The following ZC3H12B variants were observed in gnomAD, a reference collection of about 807,000 sequenced individuals.
ZC3H12B encodes probable ribonuclease ZC3H12B.
In ZC3H12B, 7 loss-of-function variants were observed where a neutral mutation model predicts 43.9. The observed-to-expected ratio is 0.16, with a 90% CI of 0.09 to 0.30. ZC3H12B has a LOEUF of 0.30. Among genes scored for constraint, ZC3H12B ranks in the 10% least tolerant of loss-of-function variants. The pLI, the probability that ZC3H12B is intolerant of heterozygous loss-of-function variation, is 1.00. For synonymous variants in ZC3H12B, 222 were observed against 241.7 expected (o/e 0.92, Z 0.76); for missense variants, 475 against 670.2 (o/e 0.71, Z 3.22).
At position 65,386,717 on chromosome X, in the gene ZC3H12B, A is replaced by C. The variant is rs148968276; in HGVS notation, n.296-11876A>C. Among the ~76,000 whole-genome samples, 839 of 110,929 alleles carry C rather than the reference A, an allele frequency of 7.6e-3. 17 individuals carry two copies. The highest frequency in any genetic ancestry group is 0.026 in the African/African-American group (799 of 30,461). Reference sequence around the variant, plus strand: ...TGAACGTGTTTGCTCTTGCTTCTCTAGTTCTTTTAATTGTGATATTAGGGT... The same window carrying C: ...TGAACGTGTTTGCTCTTGCTTCTCTCGTTCTTTTAATTGTGATATTAGGGT... On this transcript the variant is annotated intron_variant and non_coding_transcript_variant, in intron 2 of 5. Coordinates refer to the ZC3H12B transcript ENST00000617377.
At chrX:65,320,660 A>G in the ZC3H12B span, among the ~76,000 whole-genome samples, 3 of 112,509 alleles carry the variant, frequency 2.7e-5, no homozygotes, top group East Asian at 8.3e-4. Context: ...CTACAGCATT[A>G]CAATAACCTA....
At position 65,379,368 on chromosome X, in the gene ZC3H12B, G is replaced by T. The variant is rs776570217; in HGVS notation, n.295+10370G>T. On this transcript the variant is annotated intron_variant and non_coding_transcript_variant, in intron 2 of 5. Coordinates refer to the ZC3H12B transcript ENST00000617377. The stretch of plus-strand genomic sequence containing the variant: ...GCAGACGGACACCTCACACGGCCGG[G>T]TACTCCAACAGACCTGCAGCTGAGG... Among the ~76,000 whole-genome samples the T allele has an allele frequency of 3.1e-3, 345 of 109,528 alleles. 2 individuals are homozygous for T. The highest frequency in any genetic ancestry group is 0.011 in the African/African-American group (329 of 30,415).
At chrX:65,377,389 A>G (rs1047205019) in intron 2 of ZC3H12B, among the ~76,000 whole-genome samples, 2 of 110,060 alleles carry the variant, frequency 1.8e-5, no homozygotes, top group African/African-American at 3.3e-5. Context: ...AAACCTGGGG[A>G]AAAAAATCGA....
chrX:65,218,020 TAATC>T, the ZC3H12B span, among the ~76,000 whole-genome samples: 4 of 112,023 alleles, frequency 3.6e-5, no homozygotes, highest in Admixed American at 2.8e-4. Context: ...TTCAATGTAA[TAATC>T]AAGCTCTCAA....
At chrX:65,119,356 A>C in the ZC3H12B span, among the ~76,000 whole-genome samples, 1 of 111,669 alleles carries the variant, frequency 9.0e-6, no homozygotes, top group African/African-American at 3.3e-5. Context: ...CTGTTGTGAG[A>C]TGGTATCTCA....
the ZC3H12B span, among the ~76,000 whole-genome samples, chrX:65,327,169 C>A: frequency 1.4e-4 from 16 of 111,149 alleles, no homozygotes; most frequent in African/African-American, 5.2e-4. Flanking sequence ...GATGTCATTG[C>A]AGCACTGTTC....
the ZC3H12B span, among the ~76,000 whole-genome samples, chrX:65,270,131 A>G: frequency 7.2e-5 from 8 of 111,799 alleles, no homozygotes; most frequent in Non-Finnish European, 1.5e-4. Context: ...ATTTAAAATT[A>G]TATTGCAAAA....
the ZC3H12B span, among the ~76,000 whole-genome samples, chrX:65,232,377 G>T: frequency 9.0e-6 from 1 of 111,450 alleles, no homozygotes; most frequent in Non-Finnish European, 1.9e-5. Flanking sequence ...CCCTCCGTTC[G>T]GGGTCCCTGA....
intron 2 of ZC3H12B, among the ~76,000 whole-genome samples, chrX:65,397,569 A>G (rs765492598): frequency 9.0e-6 from 1 of 111,532 alleles, no homozygotes; most frequent in East Asian, 2.8e-4. Context: ...GATCCATTGA[A>G]TTCAACATCA....
chrX:65,426,364 G>A (rs75215546), intron 3 of ZC3H12B, among the ~76,000 whole-genome samples: 10 of 84,528 alleles, frequency 1.2e-4, no homozygotes, highest in East Asian at 3.9e-4. Flanking sequence ...ATTCTGGTTA[G>A]CAGTCTATCT....
chrX:65,107,922 G>T, the ZC3H12B span, among the ~76,000 whole-genome samples: 2 of 111,650 alleles, frequency 1.8e-5, no homozygotes, highest in Non-Finnish European at 3.8e-5. Context: ...ATATGGTATA[G>T]CCTCGTGCTC....
At chrX:65,172,273 T>A in the ZC3H12B span, among the ~76,000 whole-genome samples, 2 of 112,718 alleles carry the variant, frequency 1.8e-5, no homozygotes, top group East Asian at 2.8e-4. Flanking sequence ...GCCTACTTTT[T>A]GATGGAGTTG....
chrX:65,453,328 C>G lies in ZC3H12B; in HGVS notation n.408-35318C>G, dbSNP rs191025615. On this transcript the variant is annotated intron_variant and non_coding_transcript_variant, in intron 3 of 5. Coordinates refer to the ZC3H12B transcript ENST00000617377. ...TTATAGGCGCACAATTCTCAATTCT[C>G]AATTGCAATAATATGGAACCAGCTC... Among the ~76,000 whole-genome samples, 3 of 87,207 alleles carry G rather than the reference C, an allele frequency of 3.4e-5. No homozygotes were observed. The East Asian group carries it at 1.1e-3, about 33-fold the overall frequency. 75.7% of individuals were successfully genotyped at this position (87,207 alleles called of 115,157 possible). A position where few individuals can be genotyped will look rare whatever the true frequency, so the allele number is the denominator to read the frequency against.
At chrX:65,189,615 A>C in the ZC3H12B span, among the ~76,000 whole-genome samples, 1 of 102,411 alleles carries the variant, frequency 9.8e-6, no homozygotes, top group Non-Finnish European at 2.0e-5. Flanking sequence ...GTGTCTGTTC[A>C]TGTCCTTCGC....
At chrX:65,270,613 A>G in the ZC3H12B span, among the ~76,000 whole-genome samples, 14 of 111,734 alleles carry the variant, frequency 1.3e-4, no homozygotes, top group East Asian at 3.9e-3. Context: ...GCCTGGGAAA[A>G]TATTATTTGC....
the ZC3H12B span, among the ~76,000 whole-genome samples, chrX:65,038,347 A>G: frequency 2.7e-5 from 3 of 111,464 alleles, no homozygotes; most frequent in Admixed American, 1.9e-4. Context: ...AACAAATATA[A>G]TTGTTATTTT....
intron 2 of ZC3H12B, among the ~76,000 whole-genome samples, chrX:65,391,373 G>T (rs1389015704): frequency 8.9e-6 from 1 of 112,511 alleles, no homozygotes; most frequent in African/African-American, 3.2e-5. Flanking sequence ...TTCACAGGTT[G>T]ATTATTCAGC....
chrX:65,151,114 A>G, the ZC3H12B span, among the ~76,000 whole-genome samples: 1 of 112,334 alleles, frequency 8.9e-6, no homozygotes, highest in African/African-American at 3.2e-5. Flanking sequence ...TTATGCAGTT[A>G]ATTTTTGTTC....
chrX:65,059,225 C>T, the ZC3H12B span, among the ~76,000 whole-genome samples: 1 of 81,466 alleles, frequency 1.2e-5, no homozygotes, highest in Non-Finnish European at 2.4e-5. Context: ...AACCACCCCC[C>T]CCCCGCCCCA....
Sources: allele counts gnomAD v4.1 joint callset (sites outside exome capture counted in the v4.1 genomes callset), GRCh38; gene constraint gnomAD v4.1.1; transcripts MANE v1.5; gene names NCBI Gene and HGNC (gene_info 2026-07-23, HGNC 2026-07-21).